Variants in NTSR1 observed in about 807,000 individuals in gnomAD.
The protein encoded by NTSR1 is neurotensin receptor type 1.
A neutral mutation model predicts 31.2 loss-of-function variants in NTSR1; 29 were observed. The observed-to-expected ratio is 0.93, with a 90% CI of 0.69 to 1.27. The LOEUF (loss-of-function observed/expected upper bound fraction) is 1.27, where lower values mean the gene tolerates loss of function less well. NTSR1 is among the 50% of genes most tolerant of loss of function. The pLI, the probability that NTSR1 is intolerant of heterozygous loss-of-function variation, is 0.00. For synonymous variants in NTSR1, 282 were observed against 269.9 expected, an observed-to-expected ratio of 1.04 and a Z score of -0.44; for missense variants, 697 against 595.4, an observed-to-expected ratio of 1.17 and a Z score of -1.78.
chr20:62,754,547 C>T, intron 1 of NTSR1, 138 bp from the exon 2 acceptor site: 2 of 737,234 alleles, frequency 2.7e-6, no homozygotes, highest in Non-Finnish European at 4.7e-6. Context: ...GGGATAGGGC[C>T]GGACCTCCTG....
Position 62,711,592 on chromosome 20 carries a change from TC to T in NTSR1, c.714+1677del, listed in dbSNP as rs1988616094. On this transcript the variant is annotated intron_variant, in intron 1 of 3. Transcript: ENST00000370501. The surrounding 1 kb of genome is among the most constrained non-coding windows in gnomAD (Gnocchi z 6.4). ...CCGATCCCCCCGCTCAGATCCCCGA[TC>T]CCCCCGCTCAGAACCCCGATCCCCC... Among the ~76,000 whole-genome samples the T allele has an allele frequency of 2.9e-5, 2 of 68,346 alleles. No individual in the cohort carries two copies. The highest frequency in any genetic ancestry group is 5.9e-5 in the African/African-American group (1 of 16,988). 44.8% of individuals were successfully genotyped at this position (68,346 alleles called of 152,430 possible).
chr20:62,757,214 G>T (rs1010042805), intron 2 of NTSR1, among the ~76,000 whole-genome samples: 2 of 152,160 alleles, frequency 1.3e-5, no homozygotes, highest in African/African-American at 4.8e-5. Context: ...TAGTTCTTAT[G>T]TTCAGGTCTT....
At position 62,758,444 on chromosome 20, in the gene NTSR1, T is replaced by C; in HGVS notation, c.1007+88T>C. On this transcript the variant is annotated intron_variant, in intron 3 of 3. Transcript: ENST00000370501. This position sits in a 1 kb window ranked among gnomAD's most constrained non-coding sequence, Gnocchi z 4.5. ...GGTGTGGCAGGCACTGCTGAGGGGA[T>C]CCACTCAGGGCAGGGGTGTGGTGAG... The C allele has an allele frequency of 8.2e-7, 1 of 1,223,832 alleles. No individual in the cohort carries two copies. The highest frequency in any genetic ancestry group is 2.4e-5 in the East Asian group (1 of 41,810). 75.8% of individuals were successfully genotyped at this position (1,223,832 alleles called of 1,614,324 possible).
rs373509518 is a variant in NTSR1 at position 62,760,222 on chromosome 20, C to A, written c.1212C>A (p.Ser404Arg). The change falls in exon 4 of 4, where the codon AGC becomes AGA. Residue 404 changes from serine (S) to arginine (R), a missense_variant. Transcript: ENST00000370501. The stretch of plus-strand genomic sequence containing the variant: ...CGAGGAAGGCCGACAGCGTGTCCAG[C>A]AACCACACCCTCTCCAGCAATGCCA... ...AFSRKADSVSSNHTLSSNATR... is the reference protein window; with the variant it reads ...AFSRKADSVSRNHTLSSNATR... 1.9e-6 allele frequency: 3 copies of A among 1,613,500 alleles called. No homozygotes were observed. The highest frequency in any genetic ancestry group is 2.7e-5 in the African/African-American group (2 of 74,938).
At chr20:62,716,805 G>A (rs1030811998) in intron 1 of NTSR1, among the ~76,000 whole-genome samples, 7 of 152,206 alleles carry the variant, frequency 4.6e-5, no homozygotes, top group Admixed American at 1.3e-4. Context: ...CTGCCTGCAC[G>A]AGGCTAGCTC....
chr20:62,717,838 C>T (rs1467395693), intron 1 of NTSR1, among the ~76,000 whole-genome samples: 1 of 152,158 alleles, frequency 6.6e-6, no homozygotes, highest in East Asian at 1.9e-4. Flanking sequence ...GCCCTTTGAA[C>T]TCACGTCCCA....
In NTSR1 at chr20:62,761,485, A is replaced by G. The variant is rs542310794; in HGVS notation, c.*1218A>G. 6.6e-6 allele frequency: 1 copy of G among 152,334 alleles called. No homozygotes were observed. The highest frequency in any genetic ancestry group is 2.4e-5 in the African/African-American group (1 of 41,578). The allele number at this position is 152,334 out of a possible 1,614,324, so 9.4% of individuals were successfully genotyped here. A position where few individuals can be genotyped will look rare whatever the true frequency, so the allele number is the denominator to read the frequency against. On this transcript the variant is annotated 3_prime_UTR_variant, in exon 4 of 4. Transcript: ENST00000370501. ...TCCAGGCTCCACAGAGCACATGACT[A>G]GCCAGGCCCCTGGCTTAAGAAGGTC...
chr20:62,738,468 GT>G (rs1041301657), intron 1 of NTSR1, among the ~76,000 whole-genome samples: 17 of 152,366 alleles, frequency 1.1e-4, no homozygotes, highest in Admixed American at 9.1e-4. Flanking sequence ...CTGCCGCTGC[GT>G]TCCTGCAGGG....
Position 62,758,336 on chromosome 20 carries a change from C to T in NTSR1, c.987C>T (p.Ile329=), listed in dbSNP as rs755421660. The change falls in exon 3 of 4, where the codon ATC becomes ATT. Residue 329 remains isoleucine (I), a synonymous_variant. Transcript: ENST00000370501. The surrounding 1 kb of genome is among the most constrained non-coding windows in gnomAD (Gnocchi z 4.5). ...YHVRRLMFCY[I]SDEQWTPFLY... ...TGCGGCGCCTCATGTTCTGCTACAT[C>T]TCGGATGAGCAGTGGACTCCGTGAG... The T allele has an allele frequency of 3.1e-6, 5 of 1,613,660 alleles. No individual in the cohort carries two copies. The African/African-American group carries it at 5.3e-5, about 17-fold the overall frequency.
At chr20:62,735,686 G>A (rs926936411) in intron 1 of NTSR1, among the ~76,000 whole-genome samples, 1 of 152,192 alleles carries the variant, frequency 6.6e-6, no homozygotes, top group Admixed American at 6.5e-5. Context: ...CCCTGGCTTG[G>A]GGGGTGGGTA....
rs1015791776 is a variant in NTSR1, at chr20:62,711,029, C to T, written c.714+1108C>T. 2.0e-5 allele frequency among the ~76,000 whole-genome samples: 3 copies of T among 152,194 alleles called. No individual in the cohort carries two copies. Among genetic ancestry groups the T allele is most frequent in the African/African-American group, 7.2e-5 (3 of 41,458 alleles). ...AGCTTCTGTAGTTGCCTGGGCACCCCGCGTATGCCAGTATGCCCGGTGGGG... is the reference window on the plus strand; with the variant it reads ...AGCTTCTGTAGTTGCCTGGGCACCCTGCGTATGCCAGTATGCCCGGTGGGG... On this transcript the variant is annotated intron_variant, in intron 1 of 3. Coordinates refer to ENST00000370501, the MANE Select transcript of NTSR1 (RefSeq NM_002531.3). The surrounding 1 kb of genome is among the most constrained non-coding windows in gnomAD (Gnocchi z 6.4).
intron 1 of NTSR1, among the ~76,000 whole-genome samples, chr20:62,716,649 C>T (rs970583589): frequency 5.3e-5 from 8 of 152,196 alleles, no homozygotes; most frequent in South Asian, 2.1e-4. Context: ...ACCGAGCTGC[C>T]GTCCGCTCAA....
intron 1 of NTSR1, among the ~76,000 whole-genome samples, chr20:62,750,705 A>C (rs999549762): frequency 1.3e-4 from 19 of 151,934 alleles, no homozygotes; most frequent in Admixed American, 4.6e-4. Flanking sequence ...AAAAAAAAAA[A>C]AAAAAAACAA....
rs969160641 is a variant in NTSR1, at chr20:62,745,860, A to G, written c.715-8825A>G. Among the ~76,000 whole-genome samples, 1 of 152,168 alleles carries G rather than the reference A, an allele frequency of 6.6e-6. No individual in the cohort carries two copies. Among genetic ancestry groups the G allele is most frequent in the African/African-American group, 2.4e-5 (1 of 41,446 alleles). On this transcript the variant is annotated intron_variant, in intron 1 of 3. Coordinates refer to ENST00000370501, the MANE Select transcript of NTSR1 (RefSeq NM_002531.3). The surrounding 1 kb of genome is among the most constrained non-coding windows in gnomAD (Gnocchi z 4.1). ...GAGTCCCAGCCACCACGCGTCCCCC[A>G]GAATATTCATGGGGCTGGGCCAGGT...
rs920260953 is a variant in NTSR1, at chr20:62,711,940, G to A, written c.714+2019G>A. On this transcript the variant is annotated intron_variant, in intron 1 of 3. Coordinates refer to ENST00000370501, the MANE Select transcript of NTSR1 (RefSeq NM_002531.3). The surrounding 1 kb of genome is among the most constrained non-coding windows in gnomAD (Gnocchi z 6.4). Reference sequence around the variant, plus strand: ...CCGTAGGACAGCGGCCCCACGCCCTGCAGACGCCATGCTGGCCGAGCGTTG... The same window carrying A: ...CCGTAGGACAGCGGCCCCACGCCCTACAGACGCCATGCTGGCCGAGCGTTG... Among the ~76,000 whole-genome samples the A allele has an allele frequency of 1.3e-5, 2 of 152,238 alleles. No individual in the cohort carries two copies. Among genetic ancestry groups the A allele is most frequent in the Non-Finnish European group, 1.5e-5 (1 of 68,044 alleles).
rs964151022 is a variant in NTSR1, at chr20:62,714,862, A to T, written c.714+4941A>T. ...TCATTCTTCCTGCCAAGAAACAGCA[A>T]AAAAGCCTAGGTAGTGAATAGCTAC... On this transcript the variant is annotated intron_variant, in intron 1 of 3. Coordinates refer to ENST00000370501, the MANE Select transcript of NTSR1 (RefSeq NM_002531.3). The surrounding 1 kb of genome is among the most constrained non-coding windows in gnomAD (Gnocchi z 4.1). Among the ~76,000 whole-genome samples, 1 of 152,260 alleles carries T rather than the reference A, an allele frequency of 6.6e-6. No homozygotes were observed. The highest frequency in any genetic ancestry group is 6.5e-5 in the Admixed American group (1 of 15,292).
chr20:62,739,596 A>T (rs573940581), intron 1 of NTSR1, among the ~76,000 whole-genome samples: 6 of 152,272 alleles, frequency 3.9e-5, no homozygotes, highest in Non-Finnish European at 5.9e-5. Context: ...GTGGGTGAGG[A>T]CACTTGGCTC....
In NTSR1 at chr20:62,709,622, G is replaced by C. The variant is rs1355950959; in HGVS notation, c.415G>C (p.Ala139Pro). 1 of 1,611,746 alleles carries C rather than the reference G, an allele frequency of 6.2e-7. No homozygotes were observed. ...WVHHPWAFGD[A>P]GCRGYYFLRD... is the part of the protein sequence containing the mutation. ...GCACCACCCCTGGGCCTTCGGCGACGCCGGCTGCCGCGGCTACTACTTCCT... is the reference window on the plus strand; with the variant it reads ...GCACCACCCCTGGGCCTTCGGCGACCCCGGCTGCCGCGGCTACTACTTCCT... The change falls in exon 1 of 4, where the codon GCC becomes CCC. Residue 139 changes from alanine (A) to proline (P), a missense_variant. Coordinates refer to ENST00000370501, the MANE Select transcript of NTSR1 (RefSeq NM_002531.3).
intron 2 of NTSR1, among the ~76,000 whole-genome samples, 196 bp downstream of exon 2, chr20:62,755,082 A>G (rs562768799): frequency 7.2e-6 from 1 of 139,486 alleles, no homozygotes; most frequent in Non-Finnish European, 1.6e-5. Flanking sequence ...CCTTCCATCT[A>G]TCCTTCCCTC....
Sources: allele counts gnomAD v4.1 joint callset (sites outside exome capture counted in the v4.1 genomes callset), GRCh38; gene constraint gnomAD v4.1.1; non-coding constraint Gnocchi (gnomAD v3.1); transcripts MANE v1.5; gene names NCBI Gene and HGNC (gene_info 2026-07-23, HGNC 2026-07-21).